The following SGK1 variants were observed in gnomAD, a reference collection of about 807,000 sequenced individuals.
SGK1 encodes serine/threonine-protein kinase Sgk1.
In SGK1, 26 loss-of-function variants were observed where a neutral mutation model predicts 64.2. The observed-to-expected ratio is 0.40, with a 90% CI of 0.30 to 0.56. SGK1 has a LOEUF of 0.56. Ranked by LOEUF, SGK1 falls within the 20% of genes least tolerant of loss-of-function variation. The probability of loss-of-function intolerance (pLI) is 0.38; values close to 1 mark genes in which losing one functional copy is unlikely to be tolerated. For missense variants in SGK1, 519 were observed against 645.6 expected, an observed-to-expected ratio of 0.80 and a Z score of 2.12; for synonymous variants, 265 against 239.7, an observed-to-expected ratio of 1.11 and a Z score of -0.98.
At chr6:134,251,610 A>G (rs1776606695) in intron 2 of SGK1, among the ~76,000 whole-genome samples, 1 of 152,170 alleles carries the variant, frequency 6.6e-6, no homozygotes, top group South Asian at 2.1e-4. Context: ...CATCACTGGG[A>G]ACGCGGCACA....
At chr6:134,304,380 G>A (rs971873273) in intron 1 of SGK1, among the ~76,000 whole-genome samples, 2 of 152,282 alleles carry the variant, frequency 1.3e-5, no homozygotes, top group African/African-American at 2.4e-5. Flanking sequence ...GGCTGGGTGC[G>A]GATGCTCACG....
intron 3 of SGK1, among the ~76,000 whole-genome samples, chr6:134,194,974 G>C (rs9389148): frequency 0.27 from 40,844 of 152,094 alleles, 6,655 homozygotes; most frequent in East Asian, 0.57. Flanking sequence ...AAATCCACTA[G>C]ACTTTTTGAT....
intron 1 of SGK1, 117 bp from the exon 2 acceptor site, chr6:134,262,265 C>T: frequency 1.5e-6 from 1 of 678,370 alleles, no homozygotes; most frequent in East Asian, 2.5e-5. Context: ...CTCGGTCTCA[C>T]AACCTGTCTA....
intron 1 of SGK1, among the ~76,000 whole-genome samples, chr6:134,311,542 T>G (rs1777608618): frequency 6.6e-6 from 1 of 152,082 alleles, no homozygotes; most frequent in Admixed American, 6.5e-5. Context: ...TCCCTGCTAC[T>G]CAGGAGGCTG....
intron 3 of SGK1, chr6:134,177,568 A>T: frequency 1.2e-6 from 1 of 862,000 alleles, no homozygotes. Context: ...ACAACCAGAG[A>T]CCCTCTCCTA....
chr6:134,177,848 C>G, intron 3 of SGK1: 1 of 1,600,034 alleles, frequency 6.2e-7, no homozygotes, highest in Non-Finnish European at 8.5e-7. Flanking sequence ...AGACGGCTAT[C>G]CCTGTTCTGT....
chr6:134,174,118 G>C (rs1408599621), intron 4 of SGK1, 38 bp from the exon 5 acceptor site: 1 of 1,462,966 alleles, frequency 6.8e-7, no homozygotes, highest in African/African-American at 1.4e-5. Flanking sequence ...AATCCAGCTC[G>C]CCACTAGGGG....
At chr6:134,240,839 G>A (rs1227850537) in intron 2 of SGK1, among the ~76,000 whole-genome samples, 2 of 152,132 alleles carry the variant, frequency 1.3e-5, no homozygotes, top group East Asian at 3.9e-4. Context: ...TGACAGTGAG[G>A]GCAGAGGAAG....
chr6:134,281,670 C>A (rs150951007), intron 1 of SGK1, among the ~76,000 whole-genome samples: 1 of 151,984 alleles, frequency 6.6e-6, no homozygotes, highest in Non-Finnish European at 1.5e-5. Context: ...GGTGCACCAC[C>A]ACACCCAGCT....
intron 3 of SGK1, among the ~76,000 whole-genome samples, chr6:134,191,659 G>T (rs1410196088): frequency 1.3e-5 from 2 of 150,588 alleles, no homozygotes; most frequent in African/African-American, 2.4e-5. Flanking sequence ...TTGGTGTTTT[G>T]TTTTTTTGTT....
At chr6:134,194,201 G>T (rs138421773) in intron 3 of SGK1, among the ~76,000 whole-genome samples, 3 of 150,956 alleles carry the variant, frequency 2.0e-5, no homozygotes, top group Admixed American at 2.0e-4. Flanking sequence ...ATGTTATAAC[G>T]ACATGCTATA....
chr6:134,225,107 T>C (rs1411462547), intron 2 of SGK1, among the ~76,000 whole-genome samples: 2 of 151,562 alleles, frequency 1.3e-5, no homozygotes, highest in Non-Finnish European at 2.9e-5. Context: ...CCCAGCACTT[T>C]GGGAGGCCGA....
intron 1 of SGK1, among the ~76,000 whole-genome samples, chr6:134,315,124 TAAAA>T (rs1777659719): frequency 6.6e-6 from 1 of 152,178 alleles, no homozygotes; most frequent in South Asian, 2.1e-4. Context: ...ATTGTTTAAC[TAAAA>T]ACAAACAAAC....
chr6:134,235,941 AT>A (rs927664673), intron 2 of SGK1, among the ~76,000 whole-genome samples: 3 of 150,524 alleles, frequency 2.0e-5, no homozygotes, highest in South Asian at 2.1e-4. Flanking sequence ...TAATTAACTA[AT>A]TTTTTTTTTC....
intron 3 of SGK1, among the ~76,000 whole-genome samples, chr6:134,198,830 G>A (rs1246856660): frequency 6.9e-6 from 1 of 145,452 alleles, no homozygotes; most frequent in Non-Finnish European, 1.5e-5. Flanking sequence ...TGAGCTACCA[G>A]TAGTGATTCC....
At chr6:134,203,515 A>G (rs1372767088) in intron 3 of SGK1, among the ~76,000 whole-genome samples, 1 of 152,228 alleles carries the variant, frequency 6.6e-6, no homozygotes, top group Non-Finnish European at 1.5e-5. Flanking sequence ...TAAAAAAAAC[A>G]GAGATCATTA....
At chr6:134,208,730 A>G (rs915169017) in intron 2 of SGK1, among the ~76,000 whole-genome samples, 1 of 150,688 alleles carries the variant, frequency 6.6e-6, no homozygotes, top group Non-Finnish European at 1.5e-5. Flanking sequence ...TTGGCTGGGT[A>G]GTATTCCATG....
At position 134,317,469 on chromosome 6, in the gene SGK1, G is replaced by A; in HGVS notation, c.-9C>T. 3 of 1,593,076 alleles carry A rather than the reference G, an allele frequency of 1.9e-6. No individual in the cohort carries two copies. The highest frequency in any genetic ancestry group is 2.6e-6 in the Non-Finnish European group (3 of 1,160,878). On this transcript the variant is annotated 5_prime_UTR_variant, in exon 1 of 14. The change creates a new upstream start codon in the 5' untranslated region. Coordinates refer to ENST00000367858, the MANE Select transcript of SGK1 (RefSeq NM_001143676.3). Reference sequence around the variant, plus strand: ...ATGTCTTTGTTTACCATTTTCCACCGTGGGGAATTCACAGTTATAGATCCA... The same window carrying A: ...ATGTCTTTGTTTACCATTTTCCACCATGGGGAATTCACAGTTATAGATCCA...
intron 2 of SGK1, among the ~76,000 whole-genome samples, chr6:134,220,272 A>G (rs1316262248): frequency 6.6e-6 from 1 of 152,136 alleles, no homozygotes; most frequent in Non-Finnish European, 1.5e-5. Context: ...TCACAGAATC[A>G]TAGTATTTTG....
Sources: allele counts gnomAD v4.1 joint callset (sites outside exome capture counted in the v4.1 genomes callset), GRCh38; gene constraint gnomAD v4.1.1; transcripts MANE v1.5; gene names NCBI Gene and HGNC (gene_info 2026-07-23, HGNC 2026-07-21).